ZBTB16: variants seen among roughly 807,000 people sequenced by gnomAD.
ZBTB16 encodes the protein zinc finger and BTB domain containing 16, also known as zinc finger and BTB domain-containing protein 16.
In ZBTB16, 8 loss-of-function variants were observed where a neutral mutation model predicts 56.8. The ratio of observed to expected loss-of-function variants is 0.14; its 90% confidence interval spans 0.08 to 0.25. The LOEUF (loss-of-function observed/expected upper bound fraction) is 0.25. Ranked by LOEUF, ZBTB16 falls within the 10% of genes least tolerant of loss-of-function variation. The pLI, the probability that ZBTB16 is intolerant of heterozygous loss-of-function variation, is 1.00. For synonymous variants in ZBTB16, 363 were observed against 368.5 expected (o/e 0.98, Z 0.17); for missense variants, 625 against 903.0 (o/e 0.69, Z 3.95).
chr11:114,244,364 T>G (rs1944773575), intron 5 of ZBTB16, among the ~76,000 whole-genome samples: 4 of 145,486 alleles, frequency 2.7e-5, no homozygotes, highest in East Asian at 2.1e-4. Context: ...TAAGGACAGA[T>G]TGGGGGGGGC....
At chr11:114,201,138 CT>C (rs1187432875) in intron 4 of ZBTB16, among the ~76,000 whole-genome samples, 2 of 152,126 alleles carry the variant, frequency 1.3e-5, no homozygotes, top group Admixed American at 6.5e-5. Context: ...GATAACATGT[CT>C]GTTAAACATT....
chr11:114,106,495 G>C (rs938111973), intron 2 of ZBTB16, among the ~76,000 whole-genome samples: 2 of 145,836 alleles, frequency 1.4e-5, no homozygotes, highest in East Asian at 2.0e-4. Context: ...TTTTGAGACA[G>C]AGTCTTGCTC....
intron 4 of ZBTB16, among the ~76,000 whole-genome samples, chr11:114,233,093 A>ACACG (rs1555159503): frequency 1.0e-4 from 3 of 29,602 alleles, no homozygotes; most frequent in Non-Finnish European, 3.1e-4. Context: ...ACACACACAC[A>ACACG]CACACACACA....
intron 6 of ZBTB16, among the ~76,000 whole-genome samples, chr11:114,248,014 C>T (rs1273707518): frequency 6.6e-6 from 1 of 152,054 alleles, no homozygotes; most frequent in Non-Finnish European, 1.5e-5. Context: ...TCTCCTGCCT[C>T]AGCCTCCCAA....
At chr11:114,148,339 T>G (rs61904453) in intron 2 of ZBTB16, among the ~76,000 whole-genome samples, 8,415 of 34,852 alleles carry the variant, frequency 0.24, 610 homozygotes, top group Middle Eastern at 0.38. Context: ...CTGGCTGGCT[T>G]CCTTCCTTCC....
rs1414306285 is a variant in ZBTB16, at chr11:114,086,554, A to G, written c.1268+21986A>G. Among the ~76,000 whole-genome samples, 3 of 152,182 alleles carry G rather than the reference A, an allele frequency of 2.0e-5. No individual in the cohort carries two copies. In the East Asian group the frequency reaches 5.8e-4, roughly 29 times the overall value. On this transcript the variant is annotated intron_variant, in intron 2 of 6. Transcript: ENST00000335953. ...GATTGTGGTTTATCTTCTCTCCCTC[A>G]GCTGTCTGCTGACACCATGCTGAAT... is the stretch of plus-strand genomic sequence containing the variant.
intron 4 of ZBTB16, among the ~76,000 whole-genome samples, chr11:114,194,430 G>T (rs747193491): frequency 1.3e-5 from 2 of 152,154 alleles, no homozygotes; most frequent in Admixed American, 1.3e-4. Flanking sequence ...AGATCTTGAC[G>T]GGCTCAAGCT....
intron 2 of ZBTB16, among the ~76,000 whole-genome samples, chr11:114,075,627 T>TTG (rs940784338): frequency 1.6e-4 from 11 of 67,156 alleles, no homozygotes; most frequent in East Asian, 5.2e-4. Context: ...TGGCTAATTT[T>TTG]TGTATATATA....
chr11:114,148,424 C>CTCTCTGTCTGTCTGTCTGTCT (rs1565651805), intron 2 of ZBTB16, among the ~76,000 whole-genome samples: 1 of 24,420 alleles, frequency 4.1e-5, no homozygotes, highest in Admixed American at 4.9e-4. Context: ...TCCCTCCCTC[C>CTCTCTGTCTGTCTGTCTGTCT]CTCTCTCTCT....
intron 2 of ZBTB16, among the ~76,000 whole-genome samples, chr11:114,069,427 T>A (rs1321941698): frequency 1.3e-5 from 2 of 152,226 alleles, no homozygotes; most frequent in Non-Finnish European, 2.9e-5. Flanking sequence ...CCACAGGGAA[T>A]GTCTGAGCCA....
rs1279188109 is a variant in ZBTB16, at chr11:114,252,791, T to C, written c.*2236T>C. Reference sequence around the variant, plus strand: ...GCTGCTGCGACGACCCCCCCGTCCCTCGGCCCCAGCCCTCCTGCCCTCCCC... The same window carrying C: ...GCTGCTGCGACGACCCCCCCGTCCCCCGGCCCCAGCCCTCCTGCCCTCCCC... On this transcript the variant is annotated 3_prime_UTR_variant, in exon 7 of 7. Coordinates refer to ENST00000335953, the MANE Select transcript of ZBTB16 (RefSeq NM_006006.6). Among the ~76,000 whole-genome samples the C allele has an allele frequency of 6.6e-6, 1 of 151,248 alleles. No individual in the cohort carries two copies. The highest frequency in any genetic ancestry group is 2.4e-5 in the African/African-American group (1 of 41,260).
intron 2 of ZBTB16, among the ~76,000 whole-genome samples, chr11:114,148,811 GA>G (rs1942210373): frequency 6.6e-6 from 1 of 151,588 alleles, no homozygotes; most frequent in African/African-American, 2.4e-5. Context: ...TTCTTTCTAA[GA>G]ACCCCATAGA....
intron 2 of ZBTB16, among the ~76,000 whole-genome samples, chr11:114,067,233 C>T (rs1409149202): frequency 3.3e-5 from 5 of 152,196 alleles, no homozygotes; most frequent in Admixed American, 2.6e-4. Flanking sequence ...GCATGGTCCT[C>T]ATTGGCTCTG....
chr11:114,233,119 A>T (rs1307350412), intron 4 of ZBTB16, among the ~76,000 whole-genome samples: 3 of 61,698 alleles, frequency 4.9e-5, no homozygotes, highest in Non-Finnish European at 1.2e-4. Flanking sequence ...ACACACACAC[A>T]CACACACTCT....
intron 4 of ZBTB16, among the ~76,000 whole-genome samples, chr11:114,219,650 A>T (rs1249508167): frequency 7.7e-6 from 1 of 130,240 alleles, no homozygotes; most frequent in Non-Finnish European, 1.8e-5. Flanking sequence ...GAGGAACTTT[A>T]AAAAAAGCTT....
chr11:114,119,327 C>T (rs1005062293), intron 2 of ZBTB16, among the ~76,000 whole-genome samples: 1 of 137,894 alleles, frequency 7.3e-6, no homozygotes, highest in Non-Finnish European at 1.5e-5. Context: ...GTATTGTATA[C>T]GAGTTTGTGT....
chr11:114,061,433 C>G (rs1006414299), intron 1 of ZBTB16: 2 of 152,282 alleles, frequency 1.3e-5, no homozygotes, highest in African/African-American at 4.8e-5. Flanking sequence ...GAATGCTCAT[C>G]CCAACCTTGA....
At chr11:114,245,052 G>A (rs1944787107) in intron 5 of ZBTB16, among the ~76,000 whole-genome samples, 3 of 152,226 alleles carry the variant, frequency 2.0e-5, no homozygotes, top group Admixed American at 2.0e-4. Flanking sequence ...AGACAGGGCT[G>A]TGAGTGCAGA....
At chr11:114,180,001 T>C (rs1943208444) in intron 3 of ZBTB16, among the ~76,000 whole-genome samples, 1 of 152,182 alleles carries the variant, frequency 6.6e-6, no homozygotes, top group Non-Finnish European at 1.5e-5. Context: ...TGCTGGCTGT[T>C]CCCTCCTTTG....
Sources: gnomAD v4.1 joint callset for allele counts (sites outside exome capture counted in the v4.1 genomes callset) on GRCh38, gnomAD v4.1.1 for gene constraint, MANE v1.5 for transcripts, NCBI Gene and HGNC (gene_info 2026-07-23, HGNC 2026-07-21) for gene names.